The following KSR2 variants were observed in gnomAD, a reference collection of about 807,000 sequenced individuals.
The protein encoded by KSR2 is kinase suppressor of ras 2.
In KSR2, 25 loss-of-function variants were observed where a neutral mutation model predicts 107.8. That is an observed-to-expected ratio of 0.23 (90% CI 0.17 to 0.32). The LOEUF is 0.32. KSR2 is among the 10% of genes least tolerant of loss of function. The probability of loss-of-function intolerance (pLI) is 1.00; values close to 1 mark genes in which losing one functional copy is unlikely to be tolerated. For synonymous variants in KSR2, 480 were observed against 507.0 expected (o/e 0.95, Z 0.71); for missense variants, 887 against 1,268.9 (o/e 0.70, Z 4.57).
Position 117,855,619 on chromosome 12 carries a change from C to G in KSR2, c.322-41G>C, listed in dbSNP as rs758357000. On this transcript the variant is annotated intron_variant, in intron 2 of 19. Transcript: ENST00000339824. ...AGGATTGTCAACCGTGGGGCAGGAA[C>G]AGCATCTCTGCCTCCACGCTGCCCT... 3 of 1,605,314 alleles carry G rather than the reference C, an allele frequency of 1.9e-6. No homozygotes were observed. The African/African-American group carries it at 4.0e-5, about 21-fold the overall frequency.
chr12:117,670,723 T>G (rs533218735), intron 4 of KSR2, among the ~76,000 whole-genome samples: 4 of 152,060 alleles, frequency 2.6e-5, no homozygotes, highest in Admixed American at 2.0e-4. Flanking sequence ...ACTGATCCCT[T>G]TTGCTCTGGA....
intron 5 of KSR2, among the ~76,000 whole-genome samples, chr12:117,593,668 A>G (rs1485615329): frequency 6.6e-6 from 1 of 152,244 alleles, no homozygotes; most frequent in Non-Finnish European, 1.5e-5. Context: ...AATGGGGGCA[A>G]TGAAATCCAT....
Position 117,897,009 on chromosome 12 carries a change from C to T in KSR2, c.181-36578G>A, listed in dbSNP as rs1894534088. ...CTGACAAGACAGGTGCTGTGCCAAG[C>T]AGGGCAGTGATACTTCATCTGCCTA... On this transcript the variant is annotated intron_variant, in intron 1 of 19. Transcript: ENST00000339824. This position sits in a 1 kb window ranked among gnomAD's most constrained non-coding sequence, Gnocchi z 4.5. Among the ~76,000 whole-genome samples the T allele has an allele frequency of 6.6e-6, 1 of 152,142 alleles. No individual in the cohort carries two copies. Among genetic ancestry groups the T allele is most frequent in the South Asian group, 2.1e-4 (1 of 4,832 alleles).
chr12:117,695,701 A>G (rs1335760425), intron 4 of KSR2, among the ~76,000 whole-genome samples: 3 of 149,786 alleles, frequency 2.0e-5, no homozygotes, highest in Non-Finnish European at 4.4e-5. Flanking sequence ...ACAAAGTGAG[A>G]TCCTGTCTCA....
intron 1 of KSR2, among the ~76,000 whole-genome samples, chr12:117,871,166 G>A (rs1363774309): frequency 6.6e-6 from 1 of 152,158 alleles, no homozygotes; most frequent in Non-Finnish European, 1.5e-5. Flanking sequence ...TCCAATCACT[G>A]TCCCCATTGT....
chr12:117,654,179 C>A (rs1884024381), intron 5 of KSR2, among the ~76,000 whole-genome samples: 1 of 152,202 alleles, frequency 6.6e-6, no homozygotes, highest in African/African-American at 2.4e-5. Flanking sequence ...CTATCATGAA[C>A]TGGGTGCTTT....
At chr12:117,514,453 C>G (rs1417725661) in intron 14 of KSR2, among the ~76,000 whole-genome samples, 1 of 152,142 alleles carries the variant, frequency 6.6e-6, no homozygotes, top group Non-Finnish European at 1.5e-5. Context: ...CTGGGTGGCT[C>G]CCCTGACTGC....
chr12:117,918,504 C>G (rs1895247981), intron 1 of KSR2, among the ~76,000 whole-genome samples: 1 of 152,070 alleles, frequency 6.6e-6, no homozygotes, highest in Non-Finnish European at 1.5e-5. Flanking sequence ...AATATTGTCT[C>G]TTGGCCAGGC....
At chr12:117,791,926 A>T (rs1530541) in intron 3 of KSR2, among the ~76,000 whole-genome samples, 3 of 151,994 alleles carry the variant, frequency 2.0e-5, no homozygotes, top group Non-Finnish European at 4.4e-5. Context: ...ACTCCCAAAA[A>T]ACAGATTGCA....
At chr12:117,508,381 T>C (rs891285340) in intron 14 of KSR2, among the ~76,000 whole-genome samples, 4 of 152,200 alleles carry the variant, frequency 2.6e-5, no homozygotes, top group African/African-American at 9.6e-5. Flanking sequence ...TTCTAGCACC[T>C]GGGATTGCAC....
chr12:117,966,613 A>T (rs3999670), intron 1 of KSR2, among the ~76,000 whole-genome samples: 3 of 135,178 alleles, frequency 2.2e-5, no homozygotes, highest in African/African-American at 8.4e-5. Context: ...TCTCTCTCTC[A>T]CACGCGCACG....
Position 117,815,990 on chromosome 12 carries a change from AGTGTGTGTGTGTGT to A in KSR2, c.472+39424_472+39437del, listed in dbSNP as rs35013081. Among the ~76,000 whole-genome samples the A allele has an allele frequency of 5.0e-3, 567 of 113,622 alleles. 3 individuals carry two copies. The highest frequency in any genetic ancestry group is 0.032 in the South Asian group (94 of 2,918). The allele number at this position is 113,622 out of a possible 152,430, so 74.5% of individuals were successfully genotyped here. On this transcript the variant is annotated intron_variant, in intron 3 of 19. Coordinates refer to ENST00000339824, the MANE Select transcript of KSR2 (RefSeq NM_173598.6). ...ACTCTGTCTCAAAAAAAAAAAATAA[AGTGTGTGTGTGTGT>A]GTGTGTGTGTGTGTGTGTGTGTGTG...
At chr12:117,535,710 A>G (rs572847317) in intron 10 of KSR2, among the ~76,000 whole-genome samples, 1 of 151,726 alleles carries the variant, frequency 6.6e-6, no homozygotes, top group Non-Finnish European at 1.5e-5. Context: ...GAAAGAAGGT[A>G]TTTGAACACT....
intron 4 of KSR2, among the ~76,000 whole-genome samples, chr12:117,709,842 A>C (rs1455475287): frequency 2.6e-5 from 4 of 152,230 alleles, no homozygotes; most frequent in Non-Finnish European, 5.9e-5. Flanking sequence ...CCCCACCCCA[A>C]GTGACAACCA....
rs982192696 is a variant in KSR2, at chr12:117,454,178, C to T, written c.*13021G>A. On this transcript the variant is annotated 3_prime_UTR_variant, in exon 20 of 20. Coordinates refer to ENST00000339824, the MANE Select transcript of KSR2 (RefSeq NM_173598.6). ...CTACTGTGTGCCAGGTATTGCGTAA[C>T]GTTATTGACATTCATTATTTCATTC... 6.6e-6 allele frequency: 1 copy of T among 152,284 alleles called. No individual in the cohort carries two copies. The highest frequency in any genetic ancestry group is 2.4e-5 in the African/African-American group (1 of 41,548). 9.4% of individuals were successfully genotyped at this position (152,284 alleles called of 1,614,324 possible). A position where few individuals can be genotyped will look rare whatever the true frequency, so the allele number is the denominator to read the frequency against.
Position 117,479,104 on chromosome 12 carries a change from G to A in KSR2, c.2451-2509C>T, listed in dbSNP as rs536635129. ...ATTCACTAGCTGGGTAAGGCTGGATGTATCCCATACATGCGATTCTTTAAG... is the reference window on the plus strand; with the variant it reads ...ATTCACTAGCTGGGTAAGGCTGGATATATCCCATACATGCGATTCTTTAAG... On this transcript the variant is annotated intron_variant, in intron 16 of 19. Transcript: ENST00000339824. Among the ~76,000 whole-genome samples, 8 of 152,326 alleles carry A rather than the reference G, an allele frequency of 5.3e-5. No homozygotes were observed. In the South Asian group the frequency reaches 1.7e-3, roughly 32 times the overall value.
intron 10 of KSR2, 91 bp downstream of exon 10, chr12:117,539,628 C>A: frequency 8.0e-7 from 1 of 1,257,294 alleles, no homozygotes; most frequent in Non-Finnish European, 1.1e-6. Flanking sequence ...CAGAGACTTG[C>A]TGCATCAGGG....
chr12:117,898,596 G>C (rs978128052), intron 1 of KSR2, among the ~76,000 whole-genome samples: 1 of 151,938 alleles, frequency 6.6e-6, no homozygotes, highest in Non-Finnish European at 1.5e-5. Context: ...CTGGGATTAC[G>C]GGTGTGAGCC....
chr12:117,813,309 T>C (rs1891264768), intron 3 of KSR2, among the ~76,000 whole-genome samples: 1 of 152,064 alleles, frequency 6.6e-6, no homozygotes, highest in Non-Finnish European at 1.5e-5. Context: ...CTAAAAAGCA[T>C]CTACACAGCA....
Sources: gnomAD v4.1 joint callset for allele counts (sites outside exome capture counted in the v4.1 genomes callset) on GRCh38, gnomAD v4.1.1 for gene constraint, Gnocchi (gnomAD v3.1) non-coding constraint, MANE v1.5 for transcripts, NCBI Gene and HGNC (gene_info 2026-07-23, HGNC 2026-07-21) for gene names.